CSMD1: variants seen among roughly 807,000 people sequenced by gnomAD.
CSMD1 encodes the protein CUB and Sushi multiple domains 1, also known as CUB and sushi domain-containing protein 1.
Under a neutral mutation model 417.5 loss-of-function variants are expected in CSMD1, and 213 were observed. That is an observed-to-expected ratio of 0.51 (90% CI 0.46 to 0.57). CSMD1 has a LOEUF of 0.57. Ranked by LOEUF, CSMD1 falls within the 20% of genes least tolerant of loss-of-function variation. The probability of loss-of-function intolerance (pLI) is 0.00; values close to 1 mark genes in which losing one functional copy is unlikely to be tolerated. For missense variants in CSMD1, 6,923 were observed against 4,529.7 expected, an observed-to-expected ratio of 1.53 and a Z score of -15.17; for synonymous variants, 2,862 against 1,736.8, an observed-to-expected ratio of 1.65 and a Z score of -16.11.
chr8:3,431,457 A>G (rs954475024), intron 12 of CSMD1, among the ~76,000 whole-genome samples: 4 of 152,218 alleles, frequency 2.6e-5, no homozygotes, highest in Admixed American at 6.5e-5. Context: ...TTTCAGTTTT[A>G]AAAGGCTATT....
intron 3 of CSMD1, among the ~76,000 whole-genome samples, chr8:4,380,297 T>C (rs1396453810): frequency 6.6e-6 from 1 of 152,144 alleles, no homozygotes; most frequent in African/African-American, 2.4e-5. Flanking sequence ...GCATCTGCAG[T>C]GCTGAGCCAC....
At chr8:4,484,980 C>CAAA (rs57398278) in intron 2 of CSMD1, among the ~76,000 whole-genome samples, 18 of 53,940 alleles carry the variant, frequency 3.3e-4, no homozygotes, top group Admixed American at 6.6e-4. Context: ...GACTCTGCCT[C>CAAA]AAAAAAAAAA....
At chr8:4,733,379 G>A (rs557967427) in intron 1 of CSMD1, among the ~76,000 whole-genome samples, 2 of 152,202 alleles carry the variant, frequency 1.3e-5, no homozygotes, top group African/African-American at 4.8e-5. Context: ...GCAGGTTATA[G>A]TGACTCATGC....
At chr8:4,657,826 G>C (rs569902226) in intron 1 of CSMD1, among the ~76,000 whole-genome samples, 1 of 151,062 alleles carries the variant, frequency 6.6e-6, no homozygotes, top group Non-Finnish European at 1.5e-5. Flanking sequence ...GGAAACCATA[G>C]ACAAAAAGGT....
At chr8:3,680,098 C>A (rs533164364) in intron 7 of CSMD1, among the ~76,000 whole-genome samples, 28 of 151,974 alleles carry the variant, frequency 1.8e-4, no homozygotes, top group African/African-American at 6.3e-4. Flanking sequence ...GACCTATAAT[C>A]GACACCATAA....
chr8:2,974,124 G>GATGATGGTAGAGGATGATGGTAGAGA (rs1563196757), intron 56 of CSMD1, among the ~76,000 whole-genome samples: 1 of 151,226 alleles, frequency 6.6e-6, no homozygotes, highest in African/African-American at 2.5e-5. Flanking sequence ...GATGGTAGAG[G>GATGATGGTAGAGGATGATGGTAGAGA]GAGGGAAAAT....
intron 3 of CSMD1, among the ~76,000 whole-genome samples, chr8:4,094,077 G>C (rs539768238): frequency 2.0e-5 from 3 of 152,280 alleles, no homozygotes; most frequent in East Asian, 1.9e-4. Context: ...CAGTGTGGAA[G>C]TGACGCTGTG....
At chr8:4,676,868 T>C (rs1239855448) in intron 1 of CSMD1, among the ~76,000 whole-genome samples, 1 of 150,772 alleles carries the variant, frequency 6.6e-6, no homozygotes, top group Non-Finnish European at 1.5e-5. Flanking sequence ...GAGAGAGATA[T>C]ACATATTTTA....
At chr8:4,967,948 T>G (rs117388169) in intron 1 of CSMD1, among the ~76,000 whole-genome samples, 2,849 of 152,220 alleles carry the variant, frequency 0.019, 45 homozygotes, top group Non-Finnish European at 0.025. Flanking sequence ...ATGATGTATT[T>G]TTTTTTCTAA....
intron 50 of CSMD1, among the ~76,000 whole-genome samples, chr8:3,034,803 C>G (rs958907023): frequency 6.6e-6 from 1 of 151,934 alleles, no homozygotes; most frequent in African/African-American, 2.4e-5. Context: ...ACATTATAGA[C>G]TAGGGAATAA....
chr8:4,241,897 T>G (rs1255899407), intron 3 of CSMD1, among the ~76,000 whole-genome samples: 3 of 152,128 alleles, frequency 2.0e-5, no homozygotes. Context: ...ATGCAAGGCA[T>G]AAAGACAACA....
intron 3 of CSMD1, among the ~76,000 whole-genome samples, chr8:4,363,397 A>C (rs188302382): frequency 2.2e-3 from 332 of 152,304 alleles, no homozygotes; most frequent in South Asian, 6.0e-3. Context: ...AAGAGGGATA[A>C]AAAAATGTTC....
intron 5 of CSMD1, among the ~76,000 whole-genome samples, chr8:3,992,975 G>T (rs1257834141): frequency 6.6e-6 from 1 of 152,178 alleles, no homozygotes; most frequent in African/African-American, 2.4e-5. Context: ...AGATGGAAAC[G>T]GCCACAGTTG....
intron 2 of CSMD1, among the ~76,000 whole-genome samples, chr8:4,421,925 G>C (rs551154618): frequency 3.3e-5 from 5 of 152,126 alleles, no homozygotes; most frequent in African/African-American, 9.6e-5. Context: ...ATAATTGGGA[G>C]TTTCAGAAGG....
intron 3 of CSMD1, among the ~76,000 whole-genome samples, chr8:4,310,130 C>A (rs941578927): frequency 6.6e-6 from 1 of 152,170 alleles, no homozygotes; most frequent in African/African-American, 2.4e-5. Flanking sequence ...ATCCCTGCTC[C>A]TAGTAACTGC....
intron 2 of CSMD1, among the ~76,000 whole-genome samples, chr8:4,447,661 G>A (rs560938386): frequency 6.6e-6 from 1 of 152,144 alleles, no homozygotes; most frequent in Non-Finnish European, 1.5e-5. Context: ...GGAAGGAATG[G>A]TTTCCACACT....
chr8:4,415,650 G>A (rs13278687), intron 3 of CSMD1, among the ~76,000 whole-genome samples: 3 of 152,044 alleles, frequency 2.0e-5, no homozygotes, highest in Non-Finnish European at 4.4e-5. Context: ...TTGTATTCCT[G>A]TAACTTAACT....
chr8:4,763,766 G>A (rs919115701), intron 1 of CSMD1, among the ~76,000 whole-genome samples: 2 of 152,126 alleles, frequency 1.3e-5, no homozygotes, highest in African/African-American at 2.4e-5. Flanking sequence ...CAGGGCAGTC[G>A]TTTCTAACTA....
intron 3 of CSMD1, among the ~76,000 whole-genome samples, chr8:4,234,000 T>G (rs1428231692): frequency 6.6e-6 from 1 of 152,092 alleles, no homozygotes; most frequent in Admixed American, 6.6e-5. Context: ...TGATCCCTTC[T>G]GCCTGAGAGG....
Sources: gnomAD v4.1 joint callset for allele counts (sites outside exome capture counted in the v4.1 genomes callset) on GRCh38, gnomAD v4.1.1 for gene constraint, MANE v1.5 for transcripts, NCBI Gene and HGNC (gene_info 2026-07-23, HGNC 2026-07-21) for gene names.